NTM: variants seen among roughly 807,000 people sequenced by gnomAD.
NTM encodes the protein neurotrimin.
Under a neutral mutation model 42.1 loss-of-function variants are expected in NTM, and 13 were observed. The ratio of observed to expected loss-of-function variants is 0.31; its 90% CI spans 0.20 to 0.49. The LOEUF (loss-of-function observed/expected upper bound fraction) is 0.49, where lower values mean the gene tolerates loss of function less well. NTM is among the 20% of genes least tolerant of loss of function. The pLI is 0.99. For missense variants in NTM, 373 were observed against 452.8 expected (o/e 0.82, Z 1.60); for synonymous variants, 187 against 179.2 (o/e 1.04, Z -0.35).
chr11:131,965,410 G>T (rs2062712992), intron 2 of NTM, among the ~76,000 whole-genome samples: 1 of 152,202 alleles, frequency 6.6e-6, no homozygotes. Context: ...TGCAGTCACT[G>T]CTGGGCATTG....
At chr11:131,886,260 G>T (rs1425892098) in intron 1 of NTM, among the ~76,000 whole-genome samples, 1 of 152,136 alleles carries the variant, frequency 6.6e-6, no homozygotes, top group African/African-American at 2.4e-5. Flanking sequence ...AAAACCACCA[G>T]CTTCTATTTA....
rs35251046 is a variant in NTM at position 132,069,421 on chromosome 11, C to T, written c.168-76861C>T. ...GTTAACACGTCAAACTGACTGTCAC[C>T]GGTTAGTTAACACGTCACACAGCCA... On this transcript the variant is annotated intron_variant, in intron 2 of 8. Coordinates refer to ENST00000683400, the MANE Select transcript of NTM (RefSeq NM_001352005.2). 3.6e-4 allele frequency among the ~76,000 whole-genome samples: 19 copies of T among 53,014 alleles called. 3 individuals are homozygous for T. The highest frequency in any genetic ancestry group is 6.1e-4 in the Non-Finnish European group (17 of 27,998). 34.8% of individuals were successfully genotyped at this position (53,014 alleles called of 152,430 possible).
At chr11:131,743,220 TTA>T (rs564465190) in intron 1 of NTM, among the ~76,000 whole-genome samples, 38 of 152,070 alleles carry the variant, frequency 2.5e-4, no homozygotes, top group Admixed American at 2.1e-3. Context: ...ATTTCACTGG[TTA>T]TTGTTAATGG....
At chr11:132,317,837 C>G (rs1213002409) in intron 7 of NTM, 5 of 394,832 alleles carry the variant, frequency 1.3e-5, no homozygotes, top group Non-Finnish European at 9.9e-6. Flanking sequence ...TGATTGGGAG[C>G]CAGGGAGACT....
At chr11:132,101,536 A>G (rs550988164) in intron 2 of NTM, among the ~76,000 whole-genome samples, 127 of 147,994 alleles carry the variant, frequency 8.6e-4, no homozygotes, top group African/African-American at 2.9e-3. Flanking sequence ...GGGAGTTTGG[A>G]TAGACCAAGG....
intron 1 of NTM, among the ~76,000 whole-genome samples, chr11:131,842,107 C>T (rs558727038): frequency 6.6e-6 from 1 of 152,310 alleles, no homozygotes; most frequent in East Asian, 1.9e-4. Flanking sequence ...TCAGTGGAGT[C>T]AGAGGTTAGA....
chr11:131,451,052 A>G (rs1950448263), intron 1 of NTM, among the ~76,000 whole-genome samples: 3 of 152,232 alleles, frequency 2.0e-5, no homozygotes, highest in Admixed American at 2.0e-4. Flanking sequence ...ACCATTTAAA[A>G]GAATCTTTCA....
At chr11:131,786,438 A>T (rs1376208848) in intron 1 of NTM, among the ~76,000 whole-genome samples, 1 of 152,224 alleles carries the variant, frequency 6.6e-6, no homozygotes, top group Non-Finnish European at 1.5e-5. Context: ...AGAGATGCTC[A>T]AGTTCACATT....
chr11:131,506,456 A>T (rs1341904123), intron 1 of NTM, among the ~76,000 whole-genome samples: 1 of 152,228 alleles, frequency 6.6e-6, no homozygotes, highest in African/African-American at 2.4e-5. Flanking sequence ...TACAACTGCC[A>T]TTCTGCAGTT....
At chr11:132,292,611 T>C (rs561595438) in intron 4 of NTM, among the ~76,000 whole-genome samples, 1 of 151,898 alleles carries the variant, frequency 6.6e-6, no homozygotes, top group South Asian at 2.1e-4. Context: ...GCCAGTTTGT[T>C]TTTTTGATGT....
At chr11:132,010,021 T>C (rs78859382) in intron 2 of NTM, among the ~76,000 whole-genome samples, 7,611 of 152,240 alleles carry the variant, frequency 0.05, 263 homozygotes, top group Non-Finnish European at 0.074. Context: ...ACAGCATGAG[T>C]GAAGAAAATG....
chr11:132,164,746 C>G (rs1428076002), intron 3 of NTM, among the ~76,000 whole-genome samples: 3 of 152,168 alleles, frequency 2.0e-5, no homozygotes, highest in Non-Finnish European at 2.9e-5. Context: ...TGAAGACATT[C>G]ATAATGCTGA....
At chr11:132,028,332 G>T (rs910636748) in intron 2 of NTM, among the ~76,000 whole-genome samples, 1 of 151,788 alleles carries the variant, frequency 6.6e-6, no homozygotes, top group Non-Finnish European at 1.5e-5. Context: ...AAAGAAACTG[G>T]AGTAAATAGA....
intron 1 of NTM, among the ~76,000 whole-genome samples, chr11:131,398,431 C>A (rs887991841): frequency 9.9e-5 from 15 of 151,976 alleles, no homozygotes; most frequent in African/African-American, 3.6e-4. Context: ...TATTCTCTGC[C>A]ATGGTTTTCA....
chr11:131,794,931 G>C, intron 1 of NTM: 1 of 985,310 alleles, frequency 1.0e-6, no homozygotes, highest in Non-Finnish European at 1.2e-6. Context: ...AGGCTTTGGA[G>C]TTAGGGGAAC....
chr11:131,447,618 T>C (rs1950161215), intron 1 of NTM, among the ~76,000 whole-genome samples: 1 of 152,200 alleles, frequency 6.6e-6, no homozygotes, highest in Admixed American at 6.5e-5. Flanking sequence ...GTATTTGTAT[T>C]TGTTTCCACG....
At chr11:131,985,906 A>C (rs548615815) in intron 2 of NTM, among the ~76,000 whole-genome samples, 1 of 152,324 alleles carries the variant, frequency 6.6e-6, no homozygotes, top group Admixed American at 6.5e-5. Flanking sequence ...CACAGCACAT[A>C]GTGAGTGTTC....
At chr11:131,421,536 T>A (rs145074336) in intron 1 of NTM, among the ~76,000 whole-genome samples, 36 of 152,298 alleles carry the variant, frequency 2.4e-4, no homozygotes, top group African/African-American at 8.4e-4. Context: ...AGGGGCTTAA[T>A]TAGGACTCAT....
chr11:131,684,980 A>C (rs558080906), intron 1 of NTM, among the ~76,000 whole-genome samples: 1 of 152,386 alleles, frequency 6.6e-6, no homozygotes, highest in South Asian at 2.1e-4. Context: ...CCCAGAGCCC[A>C]GAAGGAAGAC....
Sources: gnomAD v4.1 joint callset for allele counts (sites outside exome capture counted in the v4.1 genomes callset) on GRCh38, gnomAD v4.1.1 for gene constraint, MANE v1.5 for transcripts, NCBI Gene and HGNC (gene_info 2026-07-23, HGNC 2026-07-21) for gene names.